CFAP61: variants seen among roughly 807,000 people sequenced by gnomAD.
The protein encoded by CFAP61 is cilia- and flagella-associated protein 61.
In CFAP61, 107 loss-of-function variants were observed where a neutral mutation model predicts 135.6. The ratio of observed to expected loss-of-function variants is 0.79; its 90% CI spans 0.67 to 0.93. The LOEUF is 0.93. Ranked by LOEUF, CFAP61 falls within the 40% of genes least tolerant of loss-of-function variation. The probability of loss-of-function intolerance (pLI) is 0.00; values close to 1 mark genes in which losing one functional copy is unlikely to be tolerated. For synonymous variants in CFAP61, 575 were observed against 578.5 expected (o/e 0.99, Z 0.09); for missense variants, 1,507 against 1,556.2 (o/e 0.97, Z 0.53).
rs535834927 is a variant in CFAP61 at position 20,058,391 on chromosome 20, A to G, written c.143+1595A>G. Among the ~76,000 whole-genome samples, 5 of 152,190 alleles carry G rather than the reference A, an allele frequency of 3.3e-5. No individual in the cohort carries two copies. The East Asian group carries it at 9.7e-4, about 29-fold the overall frequency. On this transcript the variant is annotated intron_variant, in intron 2 of 26. Transcript: ENST00000245957. Reference sequence around the variant, plus strand: ...TTATCAAATTGAAATCAGAAACTTCATTAGATAAACAGGAACCAATGCTAG... The same window carrying G: ...TTATCAAATTGAAATCAGAAACTTCGTTAGATAAACAGGAACCAATGCTAG...
At chr20:20,173,652 T>C (rs1474770689) in intron 13 of CFAP61, among the ~76,000 whole-genome samples, 1 of 152,248 alleles carries the variant, frequency 6.6e-6, no homozygotes, top group East Asian at 1.9e-4. Flanking sequence ...GCAGTACTTT[T>C]GTGATAGAAA....
intron 15 of CFAP61, among the ~76,000 whole-genome samples, chr20:20,192,311 T>G (rs1437433601): frequency 6.6e-6 from 1 of 152,116 alleles, no homozygotes; most frequent in Non-Finnish European, 1.5e-5. Context: ...AGTTTTTGTT[T>G]GTCCTGTGGG....
At position 20,288,833 on chromosome 20, in the gene CFAP61, A is replaced by G. The variant is rs1385052227; in HGVS notation, c.3021A>G (p.Ala1007=). 1.9e-6 allele frequency: 3 copies of G among 1,614,206 alleles called. No individual in the cohort carries two copies. The highest frequency in any genetic ancestry group is 4.5e-5 in the East Asian group (2 of 44,888). Residue 1007 remains alanine (A), a synonymous_variant, in exon 23 of 27, where the codon GCA becomes GCG. Transcript: ENST00000245957. The part of the protein sequence containing the change: ...FSSKEIGFQL[A]AAMLHLFDPT... ...CCAAAGAAATTGGCTTTCAGCTGGCAGCAGCTATGCTACATCTCTTTGATC... is the reference window on the plus strand; with the variant it reads ...CCAAAGAAATTGGCTTTCAGCTGGCGGCAGCTATGCTACATCTCTTTGATC...
intron 13 of CFAP61, among the ~76,000 whole-genome samples, chr20:20,184,115 G>A (rs933401541): frequency 2.0e-5 from 3 of 152,244 alleles, no homozygotes; most frequent in African/African-American, 7.2e-5. Context: ...TGGTCTTTTA[G>A]AGTGGACCAT....
chr20:20,080,801 A>C (rs2046378906), intron 6 of CFAP61, among the ~76,000 whole-genome samples: 1 of 152,216 alleles, frequency 6.6e-6, no homozygotes, highest in South Asian at 2.1e-4. Flanking sequence ...CAAGAGATTG[A>C]GACCATCTTG....
At chr20:20,184,072 T>A (rs2055318948) in intron 13 of CFAP61, among the ~76,000 whole-genome samples, 1 of 152,182 alleles carries the variant, frequency 6.6e-6, no homozygotes, top group Non-Finnish European at 1.5e-5. Flanking sequence ...TACTGAACAT[T>A]TATTGGGCAC....
chr20:20,330,034 G>A (rs111571514), intron 25 of CFAP61, among the ~76,000 whole-genome samples: 10 of 152,202 alleles, frequency 6.6e-5, no homozygotes, highest in South Asian at 2.1e-4. Flanking sequence ...CACAGGAGGC[G>A]GTCAACAGAC....
chr20:20,070,770 A>G, intron 2 of CFAP61, 84 bp from the exon 3 acceptor site: 1 of 1,310,556 alleles, frequency 7.6e-7, no homozygotes, highest in Non-Finnish European at 1.1e-6. Flanking sequence ...GCTGAGCTCC[A>G]GTAGCCAGAG....
intron 25 of CFAP61, among the ~76,000 whole-genome samples, chr20:20,316,542 G>T (rs1308096542): frequency 6.6e-6 from 1 of 150,572 alleles, no homozygotes; most frequent in Admixed American, 6.6e-5. Context: ...TCCTTCCCCT[G>T]CCTAATTGCC....
intron 9 of CFAP61, among the ~76,000 whole-genome samples, chr20:20,148,268 G>GT (rs1447758150): frequency 6.6e-6 from 1 of 152,110 alleles, no homozygotes; most frequent in African/African-American, 2.4e-5. Flanking sequence ...TTTTCAGATT[G>GT]TTTTTTCTAG....
intron 17 of CFAP61, among the ~76,000 whole-genome samples, chr20:20,227,548 G>A (rs1054628474): frequency 5.3e-5 from 8 of 152,202 alleles, no homozygotes; most frequent in Non-Finnish European, 5.9e-5. Flanking sequence ...AGCTTCTGCA[G>A]GGAAGTAAAT....
At position 20,140,128 on chromosome 20, in the gene CFAP61, ATT is replaced by A. The variant is rs3060428; in HGVS notation, c.860-2706_860-2705del. ...TGAGGGGAACCTCTGGGTGCTGGAA[ATT>A]TTTTTTTTTTTTTTTTTTTTTTAGT... is the stretch of plus-strand genomic sequence containing the variant. On this transcript the variant is annotated intron_variant, in intron 8 of 26. Transcript: ENST00000245957. 6.5e-4 allele frequency among the ~76,000 whole-genome samples: 63 copies of A among 97,288 alleles called. 1 individual carries two copies. The highest frequency in any genetic ancestry group is 2.2e-3 in the African/African-American group (49 of 22,782). The allele number at this position is 97,288 out of a possible 152,430, so 63.8% of individuals were successfully genotyped here.
At chr20:20,143,826 A>C (rs550122601) in intron 9 of CFAP61, among the ~76,000 whole-genome samples, 2 of 152,372 alleles carry the variant, frequency 1.3e-5, no homozygotes, top group South Asian at 4.1e-4. Flanking sequence ...TCAGCAGATC[A>C]GTCAGGCAGT....
At chr20:20,284,317 G>A (rs374007150) in intron 22 of CFAP61, among the ~76,000 whole-genome samples, 14 of 150,080 alleles carry the variant, frequency 9.3e-5, no homozygotes, top group African/African-American at 3.2e-4. Flanking sequence ...ATGGAGTCTC[G>A]CTTTGTTGCC....
At chr20:20,156,295 A>G (rs1392560619) in intron 9 of CFAP61, among the ~76,000 whole-genome samples, 1 of 151,594 alleles carries the variant, frequency 6.6e-6, no homozygotes, top group African/African-American at 2.4e-5. Flanking sequence ...TTAACAAACT[A>G]AAAAAAAACC....
intron 17 of CFAP61, among the ~76,000 whole-genome samples, chr20:20,212,355 G>C (rs1051978928): frequency 9.2e-5 from 14 of 152,058 alleles, no homozygotes; most frequent in African/African-American, 3.1e-4. Flanking sequence ...CATACACACA[G>C]AGTACACACA....
intron 19 of CFAP61, among the ~76,000 whole-genome samples, chr20:20,248,762 C>G (rs534907871): frequency 6.6e-6 from 1 of 152,324 alleles, no homozygotes; most frequent in Non-Finnish European, 1.5e-5. Flanking sequence ...GCCCCCAGAG[C>G]TTGCTTCTAA....
chr20:20,132,095 G>C (rs765142188), intron 8 of CFAP61, among the ~76,000 whole-genome samples: 2 of 151,810 alleles, frequency 1.3e-5, no homozygotes, highest in Non-Finnish European at 2.9e-5. Flanking sequence ...CTCTTCTCAG[G>C]CTCCTAGCAA....
intron 25 of CFAP61, among the ~76,000 whole-genome samples, chr20:20,339,028 A>G (rs2058340555): frequency 6.6e-6 from 1 of 152,186 alleles, no homozygotes. Context: ...CTTCTATTTC[A>G]GTCTTGAAGA....
Sources: allele counts gnomAD v4.1 joint callset (sites outside exome capture counted in the v4.1 genomes callset), GRCh38; gene constraint gnomAD v4.1.1; transcripts MANE v1.5; gene names NCBI Gene and HGNC (gene_info 2026-07-23, HGNC 2026-07-21).